MARCHF1: variants seen among roughly 807,000 people sequenced by gnomAD.
The protein encoded by MARCHF1 is E3 ubiquitin-protein ligase MARCHF1.
Under a neutral mutation model 54.2 loss-of-function variants are expected in MARCHF1, and 40 were observed. The ratio of observed to expected loss-of-function variants is 0.74; its 90% CI spans 0.57 to 0.96. The LOEUF is 0.96. Among genes scored for constraint, MARCHF1 ranks in the 40% least tolerant of loss-of-function variants. The pLI, the probability that MARCHF1 is intolerant of heterozygous loss-of-function variation, is 0.00. For missense variants in MARCHF1, 586 were observed against 656.5 expected (o/e 0.89, Z 1.17); for synonymous variants, 236 against 236.3 (o/e 1.00, Z 0.01).
intron 1 of MARCHF1, among the ~76,000 whole-genome samples, chr4:164,165,093 A>G (rs989341373): frequency 2.6e-5 from 4 of 152,004 alleles, no homozygotes; most frequent in African/African-American, 9.7e-5. Flanking sequence ...AGATAGCCCA[A>G]TGGTTCTGTG....
chr4:163,781,559 T>C lies in MARCHF1; in HGVS notation c.111+72462A>G, dbSNP rs75516970. 1.8e-3 allele frequency among the ~76,000 whole-genome samples: 271 copies of C among 152,266 alleles called. 1 individual carries two copies. The highest frequency in any genetic ancestry group is 6.3e-3 in the African/African-American group (261 of 41,552). ...TATTTAGATGTCCTGACTAATAATG[T>C]GGGATAAAAGCTAATGGCCAAGAAA... On this transcript the variant is annotated intron_variant, in intron 4 of 9. Coordinates refer to ENST00000514618, the MANE Select transcript of MARCHF1 (RefSeq NM_001394959.1).
At position 164,293,251 on chromosome 4, in the gene MARCHF1, T is replaced by A. The variant is rs548501453; in HGVS notation, c.-323+90619A>T. ...AAAAAAAAAATCCCTGCAACCTAAG[T>A]ATATATTCTTGCAACAAATAGCAGA... On this transcript the variant is annotated intron_variant, in intron 1 of 9. Coordinates refer to ENST00000514618, the MANE Select transcript of MARCHF1 (RefSeq NM_001394959.1). Among the ~76,000 whole-genome samples, 21 of 151,838 alleles carry A rather than the reference T, an allele frequency of 1.4e-4. 1 individual carries two copies. In the South Asian group the frequency reaches 4.2e-3, roughly 30 times the overall value.
chr4:163,837,451 T>A (rs979397166), intron 4 of MARCHF1, among the ~76,000 whole-genome samples: 1 of 152,154 alleles, frequency 6.6e-6, no homozygotes, highest in African/African-American at 2.4e-5. Context: ...GAGACACAAC[T>A]TAAATATAAT....
intron 1 of MARCHF1, among the ~76,000 whole-genome samples, chr4:164,177,806 G>GAGAGACACACACAC (rs148681185): frequency 6.7e-6 from 1 of 149,202 alleles, no homozygotes; most frequent in Admixed American, 6.7e-5. Context: ...GTATGAAAGA[G>GAGAGACACACACAC]ACACACACAC....
intron 1 of MARCHF1, among the ~76,000 whole-genome samples, chr4:164,288,800 A>T (rs1295784315): frequency 6.6e-6 from 1 of 152,184 alleles, no homozygotes; most frequent in African/African-American, 2.4e-5. Flanking sequence ...GGGGAAAAAA[A>T]TTCCGAGGTG....
intron 1 of MARCHF1, among the ~76,000 whole-genome samples, chr4:164,121,654 C>A (rs1272012737): frequency 6.6e-6 from 1 of 151,968 alleles, no homozygotes; most frequent in Non-Finnish European, 1.5e-5. Context: ...GGGGCCACAG[C>A]CAAACCATAT....
chr4:163,937,361 G>C (rs1751819757), intron 3 of MARCHF1, among the ~76,000 whole-genome samples: 1 of 151,826 alleles, frequency 6.6e-6, no homozygotes, highest in Non-Finnish European at 1.5e-5. Flanking sequence ...AGCTACAGTA[G>C]AATTTTTCAC....
intron 3 of MARCHF1, among the ~76,000 whole-genome samples, chr4:163,866,117 T>C (rs193268904): frequency 6.6e-6 from 1 of 151,854 alleles, no homozygotes; most frequent in African/African-American, 2.4e-5. Context: ...CATTTAATTT[T>C]TTTTAATGTC....
At position 163,796,643 on chromosome 4, in the gene MARCHF1, C is replaced by T. The variant is rs79789345; in HGVS notation, c.111+57378G>A. 3.6e-3 allele frequency among the ~76,000 whole-genome samples: 541 copies of T among 152,096 alleles called. 3 individuals carry two copies. Among genetic ancestry groups the T allele is most frequent in the African/African-American group, 0.012 (514 of 41,506 alleles). ...TCTCTTTTAATTGGTGAGTATAATG[C>T]ATTCATATCAATTATGATTATTTTG... On this transcript the variant is annotated intron_variant, in intron 4 of 9. Transcript: ENST00000514618.
intron 4 of MARCHF1, among the ~76,000 whole-genome samples, chr4:163,703,013 A>C (rs181226656): frequency 3.2e-4 from 48 of 152,316 alleles, no homozygotes; most frequent in African/African-American, 1.1e-3. Flanking sequence ...TAATTCTGGC[A>C]GGAGTACATT....
intron 3 of MARCHF1, among the ~76,000 whole-genome samples, chr4:163,894,006 G>A (rs1269761462): frequency 6.6e-6 from 1 of 152,284 alleles, no homozygotes; most frequent in East Asian, 1.9e-4. Context: ...TTGAATTCAA[G>A]CTCACTTTAT....
chr4:164,319,983 T>A (rs1470367691), intron 1 of MARCHF1, among the ~76,000 whole-genome samples: 1 of 152,038 alleles, frequency 6.6e-6, no homozygotes, highest in African/African-American at 2.4e-5. Context: ...TATGTATAAT[T>A]TTTTTTACTG....
intron 2 of MARCHF1, among the ~76,000 whole-genome samples, chr4:164,059,364 C>T (rs530996438): frequency 9.2e-5 from 14 of 152,000 alleles, no homozygotes; most frequent in Non-Finnish European, 1.9e-4. Flanking sequence ...ATATGCAATT[C>T]GGTAGAATGC....
intron 2 of MARCHF1, among the ~76,000 whole-genome samples, chr4:164,077,549 G>C (rs902950778): frequency 6.6e-6 from 1 of 152,160 alleles, no homozygotes; most frequent in Non-Finnish European, 1.5e-5. Flanking sequence ...CTAAACTAAA[G>C]AGCTTCTGCA....
At chr4:163,765,927 A>G (rs1199989969) in intron 4 of MARCHF1, among the ~76,000 whole-genome samples, 1 of 147,806 alleles carries the variant, frequency 6.8e-6, no homozygotes, top group Non-Finnish European at 1.5e-5. Context: ...AATTATATAT[A>G]ATACATATAA....
intron 2 of MARCHF1, among the ~76,000 whole-genome samples, chr4:164,026,732 G>A (rs948753437): frequency 6.6e-6 from 1 of 152,042 alleles, no homozygotes; most frequent in African/African-American, 2.4e-5. Context: ...GGAAGTCCTA[G>A]CCAGAGCAAT....
intron 4 of MARCHF1, among the ~76,000 whole-genome samples, chr4:163,825,370 G>A (rs1321593365): frequency 6.6e-6 from 1 of 151,908 alleles, no homozygotes; most frequent in African/African-American, 2.4e-5. Context: ...TGGTTCCATA[G>A]CTTTGCTGTT....
chr4:163,948,631 G>A (rs1242896450), intron 3 of MARCHF1, among the ~76,000 whole-genome samples: 1 of 152,178 alleles, frequency 6.6e-6, no homozygotes, highest in Non-Finnish European at 1.5e-5. Flanking sequence ...TGAGCAGGAT[G>A]CAGTTAAATA....
At position 163,663,008 on chromosome 4, in the gene MARCHF1, G is replaced by A. The variant is rs1269747800; in HGVS notation, c.162+37805C>T. Among the ~76,000 whole-genome samples, 4 of 151,956 alleles carry A rather than the reference G, an allele frequency of 2.6e-5. No homozygotes were observed. The South Asian group carries it at 8.3e-4, about 32-fold the overall frequency. On this transcript the variant is annotated intron_variant, in intron 5 of 9. Coordinates refer to ENST00000514618, the MANE Select transcript of MARCHF1 (RefSeq NM_001394959.1). ...AAAAAAAAAATGTTTCTTAACTAGG[G>A]GATTCCCAGGTCATGCAAACAATAC...
Sources: gnomAD v4.1 joint callset for allele counts (sites outside exome capture counted in the v4.1 genomes callset) on GRCh38, gnomAD v4.1.1 for gene constraint, MANE v1.5 for transcripts, NCBI Gene and HGNC (gene_info 2026-07-23, HGNC 2026-07-21) for gene names.